The following PDE8A variants were observed in gnomAD, a reference collection of about 807,000 sequenced individuals.
The protein encoded by PDE8A is phosphodiesterase 8A.
In PDE8A, 59 loss-of-function variants were observed where a neutral mutation model predicts 105.0. The observed-to-expected ratio is 0.56, with a 90% confidence interval of 0.46 to 0.70. The LOEUF (loss-of-function observed/expected upper bound fraction) is 0.70. Ranked by LOEUF, PDE8A falls within the 30% of genes least tolerant of loss-of-function variation. The pLI, the probability that PDE8A is intolerant of heterozygous loss-of-function variation, is 0.00. For synonymous variants in PDE8A, 355 were observed against 371.9 expected, an observed-to-expected ratio of 0.95 and a Z score of 0.52; for missense variants, 1,014 against 1,045.9, an observed-to-expected ratio of 0.97 and a Z score of 0.42.
At chr15:85,081,768 G>A (rs926534800) in intron 5 of PDE8A, among the ~76,000 whole-genome samples, 1 of 152,100 alleles carries the variant, frequency 6.6e-6, no homozygotes, top group Admixed American at 6.6e-5. Flanking sequence ...AAGTTTTGAG[G>A]GAGGGGGCAA....
At chr15:85,041,974 C>G (rs772170319) in intron 1 of PDE8A, among the ~76,000 whole-genome samples, 1 of 152,070 alleles carries the variant, frequency 6.6e-6, no homozygotes, top group African/African-American at 2.4e-5. Context: ...TTCTTTTGAA[C>G]GTAAGCAAAT....
chr15:85,002,180 G>GC (rs544089037), intron 1 of PDE8A, among the ~76,000 whole-genome samples: 100 of 151,962 alleles, frequency 6.6e-4, no homozygotes, highest in African/African-American at 2.3e-3. Context: ...TAAGGAGGCT[G>GC]CCCCCCCAGT....
intron 11 of PDE8A, among the ~76,000 whole-genome samples, chr15:85,106,427 A>T (rs985509840): frequency 6.6e-6 from 1 of 152,012 alleles, no homozygotes; most frequent in African/African-American, 2.4e-5. Context: ...CACCTCCCTA[A>T]TGCCTAGCTT....
At chr15:85,058,692 A>G (rs1286946026) in intron 1 of PDE8A, among the ~76,000 whole-genome samples, 1 of 152,148 alleles carries the variant, frequency 6.6e-6, no homozygotes, top group East Asian at 1.9e-4. Context: ...TTGGTGTATA[A>G]GTGTTAATAG....
chr15:84,992,337 G>T (rs1290426005), intron 1 of PDE8A, among the ~76,000 whole-genome samples: 1 of 152,156 alleles, frequency 6.6e-6, no homozygotes, highest in South Asian at 2.1e-4. Flanking sequence ...ATGTGGATAA[G>T]TGGAAAATAT....
chr15:85,034,176 A>G (rs552495213), intron 1 of PDE8A, among the ~76,000 whole-genome samples: 8 of 152,266 alleles, frequency 5.3e-5, no homozygotes, highest in Non-Finnish European at 1.2e-4. Context: ...ACACTGGAGC[A>G]ACAGTGAGAA....
At chr15:85,083,493 T>G in intron 5 of PDE8A, 63 bp from the exon 6 acceptor site, 1 of 969,132 alleles carries the variant, frequency 1.0e-6, no homozygotes, top group Non-Finnish European at 1.7e-6. Context: ...AAAGAGTTAT[T>G]TTTATTGGCA....
intron 12 of PDE8A, among the ~76,000 whole-genome samples, chr15:85,113,010 G>C (rs984253065): frequency 2.1e-4 from 32 of 152,168 alleles, no homozygotes; most frequent in Admixed American, 1.9e-3. Flanking sequence ...GCATTGTGTG[G>C]CATTGTCTTC....
chr15:85,043,719 GCAGGGTCTTACTCTGTCGCC>G (rs2080846817), intron 1 of PDE8A, among the ~76,000 whole-genome samples: 1 of 147,900 alleles, frequency 6.8e-6, no homozygotes, highest in Admixed American at 6.6e-5. Flanking sequence ...TTTTTTTGAG[GCAGGGTCTTACTCTGTCGCC>G]CAGGCTGGAG....
intron 1 of PDE8A, among the ~76,000 whole-genome samples, chr15:84,989,068 A>G (rs544319813): frequency 2.6e-5 from 4 of 152,266 alleles, no homozygotes; most frequent in African/African-American, 9.6e-5. Context: ...TTTGCCTCCA[A>G]TTTTGTCTGA....
At chr15:85,072,819 C>A (rs1282414071) in intron 3 of PDE8A, among the ~76,000 whole-genome samples, 1 of 152,160 alleles carries the variant, frequency 6.6e-6, no homozygotes, top group African/African-American at 2.4e-5. Flanking sequence ...GCTTTTAAGA[C>A]TTTCCCAGTG....
chr15:85,097,804 T>C (rs2141555069), intron 8 of PDE8A, 144 bp from the exon 9 acceptor site: 1 of 613,016 alleles, frequency 1.6e-6, no homozygotes, highest in Non-Finnish European at 2.9e-6. Flanking sequence ...AGAATTGTCC[T>C]ATTACCTGAA....
At chr15:85,002,634 G>A (rs1046263609) in intron 1 of PDE8A, among the ~76,000 whole-genome samples, 1 of 152,220 alleles carries the variant, frequency 6.6e-6, no homozygotes, top group Non-Finnish European at 1.5e-5. Flanking sequence ...CCAAAAGGCC[G>A]AGAAGCGATT....
chr15:85,099,435 C>G (rs757961113), intron 9 of PDE8A, among the ~76,000 whole-genome samples: 1 of 152,160 alleles, frequency 6.6e-6, no homozygotes, highest in African/African-American at 2.4e-5. Flanking sequence ...CCTTTTATGT[C>G]CTTTCCAATT....
chr15:85,050,806 T>C (rs1370917815), intron 1 of PDE8A, among the ~76,000 whole-genome samples: 2 of 152,222 alleles, frequency 1.3e-5, no homozygotes, highest in Non-Finnish European at 1.5e-5. Context: ...CCCTTGAGAT[T>C]CCATATGAAT....
At chr15:85,078,461 G>A (rs977583644) in intron 5 of PDE8A, among the ~76,000 whole-genome samples, 8 of 145,154 alleles carry the variant, frequency 5.5e-5, no homozygotes, top group East Asian at 2.1e-4. Context: ...CAGGAGAATC[G>A]CCTGAACCAG....
chr15:85,003,616 T>C (rs759980206), intron 1 of PDE8A, among the ~76,000 whole-genome samples: 7 of 152,194 alleles, frequency 4.6e-5, no homozygotes, highest in Non-Finnish European at 1.0e-4. Flanking sequence ...GTAATGATAG[T>C]TTTTATTCCT....
chr15:85,006,125 TG>T (rs919500885), intron 1 of PDE8A, among the ~76,000 whole-genome samples: 2 of 150,494 alleles, frequency 1.3e-5, no homozygotes, highest in African/African-American at 4.9e-5. Flanking sequence ...TGTTGTGAGG[TG>T]GGGGGAGGGA....
chr15:85,002,792 C>T (rs1567223149), intron 1 of PDE8A, among the ~76,000 whole-genome samples: 1 of 152,164 alleles, frequency 6.6e-6, no homozygotes, highest in Admixed American at 6.5e-5. Flanking sequence ...TTAGCATAAA[C>T]TCCGGTGTTG....
Sources: gnomAD v4.1 joint callset for allele counts (sites outside exome capture counted in the v4.1 genomes callset) on GRCh38, gnomAD v4.1.1 for gene constraint, MANE v1.5 for transcripts, NCBI Gene and HGNC (gene_info 2026-07-23, HGNC 2026-07-21) for gene names.